Variants in PHACTR4 observed in about 807,000 individuals in gnomAD.
PHACTR4 encodes phosphatase and actin regulator 4.
A neutral mutation model predicts 72.7 loss-of-function variants in PHACTR4; 51 were observed. The ratio of observed to expected loss-of-function variants is 0.70; its 90% CI spans 0.56 to 0.89. The LOEUF is 0.89. Among genes scored for constraint, PHACTR4 ranks in the 40% least tolerant of loss-of-function variants. The probability of loss-of-function intolerance (pLI) is 0.00; values close to 1 mark genes in which losing one functional copy is unlikely to be tolerated. For missense variants in PHACTR4, 731 were observed against 861.8 expected, an observed-to-expected ratio of 0.85 and a Z score of 1.90; for synonymous variants, 255 against 302.5, an observed-to-expected ratio of 0.84 and a Z score of 1.63.
intron 2 of PHACTR4, among the ~76,000 whole-genome samples, chr1:28,420,337 C>A (rs555684623): frequency 6.6e-6 from 1 of 152,240 alleles, no homozygotes; most frequent in South Asian, 2.1e-4. Context: ...CCATGCTGTT[C>A]TCATGATACT....
intron 1 of PHACTR4, among the ~76,000 whole-genome samples, chr1:28,407,192 C>G (rs1425846829): frequency 1.3e-5 from 2 of 150,478 alleles, no homozygotes; most frequent in Non-Finnish European, 2.9e-5. Context: ...ACATGGGAGG[C>G]TCACTTGAGC....
chr1:28,489,993 G>A (rs1660931064), intron 10 of PHACTR4: 3 of 458,366 alleles, frequency 6.5e-6, no homozygotes, highest in Middle Eastern at 3.6e-4. Flanking sequence ...ATTCTTAGCA[G>A]TTACTCTTGA....
chr1:28,434,875 G>A (rs987716259), intron 2 of PHACTR4, among the ~76,000 whole-genome samples: 4 of 151,956 alleles, frequency 2.6e-5, no homozygotes, highest in Non-Finnish European at 4.4e-5. Flanking sequence ...TTTAAATTTG[G>A]CAGATGGTTT....
chr1:28,436,401 G>A (rs534814964), intron 2 of PHACTR4, among the ~76,000 whole-genome samples: 85 of 151,970 alleles, frequency 5.6e-4, no homozygotes, highest in African/African-American at 2.0e-3. Flanking sequence ...TCCACCCAGT[G>A]GTAGCTGTCT....
At chr1:28,491,889 C>G in intron 12 of PHACTR4, 102 bp downstream of exon 12, 2 of 1,324,384 alleles carry the variant, frequency 1.5e-6, no homozygotes, top group Non-Finnish European at 2.0e-6. Flanking sequence ...AACAAAACTT[C>G]TAGTTTTAAT....
chr1:28,378,810 A>C (rs1409099783), intron 1 of PHACTR4, among the ~76,000 whole-genome samples: 1 of 152,122 alleles, frequency 6.6e-6, no homozygotes, highest in African/African-American at 2.4e-5. Context: ...AACTTTGAAG[A>C]GGAATATGAA....
chr1:28,448,807 CAG>C (rs972494014), intron 2 of PHACTR4, among the ~76,000 whole-genome samples: 1 of 101,946 alleles, frequency 9.8e-6, no homozygotes, highest in South Asian at 3.4e-4. Context: ...GTAAAACATA[CAG>C]AGAGTTCATA....
intron 2 of PHACTR4, among the ~76,000 whole-genome samples, chr1:28,445,703 G>A (rs746567838): frequency 6.6e-6 from 1 of 152,004 alleles, no homozygotes; most frequent in African/African-American, 2.4e-5. Flanking sequence ...AACGTGATTT[G>A]GAAATATATC....
chr1:28,461,278 A>G (rs1658789502), intron 4 of PHACTR4, among the ~76,000 whole-genome samples: 1 of 151,976 alleles, frequency 6.6e-6, no homozygotes. Context: ...CATCTCTACT[A>G]AAAATACAAA....
At chr1:28,382,358 C>T (rs1412368233) in intron 1 of PHACTR4, among the ~76,000 whole-genome samples, 1 of 151,700 alleles carries the variant, frequency 6.6e-6, no homozygotes, top group African/African-American at 2.4e-5. Flanking sequence ...GGCTGGAGTG[C>T]AGTGGCACGA....
chr1:28,444,832 T>C lies in PHACTR4; in HGVS notation c.17-14253T>C, dbSNP rs1569972462. On this transcript the variant is annotated intron_variant, in intron 2 of 13. Coordinates refer to ENST00000373839, the MANE Select transcript of PHACTR4 (RefSeq NM_001048183.3). ...TTAGTAGAGACGGGGTTTCACCGTG[T>C]TAGCCAGGATGGTCTCGATCTCCTG... 4.0e-5 allele frequency among the ~76,000 whole-genome samples: 6 copies of C among 149,976 alleles called. No individual in the cohort carries two copies. In the South Asian group the frequency reaches 1.3e-3, roughly 32 times the overall value.
intron 9 of PHACTR4, 66 bp from the exon 10 acceptor site, chr1:28,489,104 A>G (rs1333386035): frequency 1.4e-6 from 2 of 1,415,868 alleles, no homozygotes; most frequent in Non-Finnish European, 2.0e-6. Context: ...CTGTGACCAA[A>G]AAAATCTTTA....
At chr1:28,456,891 A>G (rs1168195850) in intron 2 of PHACTR4, among the ~76,000 whole-genome samples, 2 of 142,560 alleles carry the variant, frequency 1.4e-5, no homozygotes, top group African/African-American at 5.1e-5. Flanking sequence ...TGTCTCTAAA[A>G]TAACTAGATA....
At position 28,452,026 on chromosome 1, in the gene PHACTR4, G is replaced by A. The variant is rs145143902; in HGVS notation, c.17-7059G>A. On this transcript the variant is annotated intron_variant, in intron 2 of 13. Coordinates refer to ENST00000373839, the MANE Select transcript of PHACTR4 (RefSeq NM_001048183.3). Reference sequence around the variant, plus strand: ...AGATCTTCATTAAATTTGGTTTCTAGCTCCTTTAGCACAATATTTTACTTG... The same window carrying A: ...AGATCTTCATTAAATTTGGTTTCTAACTCCTTTAGCACAATATTTTACTTG... Among the ~76,000 whole-genome samples, 10 of 152,232 alleles carry A rather than the reference G, an allele frequency of 6.6e-5. No homozygotes were observed. The East Asian group carries it at 1.9e-3, about 29-fold the overall frequency.
intron 8 of PHACTR4, among the ~76,000 whole-genome samples, chr1:28,478,893 A>C (rs1660091968): frequency 6.6e-6 from 1 of 152,170 alleles, no homozygotes; most frequent in African/African-American, 2.4e-5. Context: ...AATGTGCTGC[A>C]TTACAAGCAT....
chr1:28,483,265 C>A (rs1338374791), intron 9 of PHACTR4, among the ~76,000 whole-genome samples: 1 of 151,918 alleles, frequency 6.6e-6, no homozygotes, highest in Non-Finnish European at 1.5e-5. Context: ...CATGGTGACA[C>A]ACGTTTATGG....
In PHACTR4 at chr1:28,480,550, A is replaced by G. The variant is rs1216500008; in HGVS notation, c.1706A>G (p.Lys569Arg). ...PELNLNSWPC[K>R]SKEEWNEIRH... Reference sequence around the variant, plus strand: ...TTGAACCTGAATTCTTGGCCTTGTAAAAGCAAGGAGGAGTGGAATGAAATA... The same window carrying G: ...TTGAACCTGAATTCTTGGCCTTGTAGAAGCAAGGAGGAGTGGAATGAAATA... Residue 569 changes from lysine to arginine, a missense_variant, in exon 9 of 14, where the codon AAA becomes AGA. By Grantham distance (26) the Lys-to-Arg change is conservative. Transcript: ENST00000373839. 1 of 1,614,070 alleles carries G rather than the reference A, an allele frequency of 6.2e-7. No homozygotes were observed. The highest frequency in any genetic ancestry group is 1.3e-5 in the African/African-American group (1 of 74,944).
chr1:28,410,908 T>C (rs4399181), intron 2 of PHACTR4, among the ~76,000 whole-genome samples: 58,676 of 151,810 alleles, frequency 0.39, 13,093 homozygotes, highest in African/African-American at 0.6. Flanking sequence ...GGTTTCACCA[T>C]GTTGGCCAGG....
At chr1:28,386,385 C>T (rs908429453) in intron 1 of PHACTR4, among the ~76,000 whole-genome samples, 4 of 152,086 alleles carry the variant, frequency 2.6e-5, no homozygotes, top group East Asian at 1.9e-4. Flanking sequence ...TGAGCCACCA[C>T]GCCTGACCAA....
Sources: allele counts gnomAD v4.1 joint callset (sites outside exome capture counted in the v4.1 genomes callset), GRCh38; gene constraint gnomAD v4.1.1; transcripts MANE v1.5; gene names NCBI Gene and HGNC (gene_info 2026-07-23, HGNC 2026-07-21).